ZC3H3: variants seen among roughly 807,000 people sequenced by gnomAD.
ZC3H3 encodes the protein zinc finger CCCH domain-containing protein 3.
In ZC3H3, 36 loss-of-function variants were observed where a neutral mutation model predicts 77.3. The ratio of observed to expected loss-of-function variants is 0.47; its 90% CI spans 0.36 to 0.61. The LOEUF is 0.61. Among genes scored for constraint, ZC3H3 ranks in the 20% least tolerant of loss-of-function variants. ZC3H3 has a pLI of 0.00. For missense variants in ZC3H3, 1,331 were observed against 1,312.2 expected (o/e 1.01, Z -0.22); for synonymous variants, 626 against 555.2 (o/e 1.13, Z -1.79).
chr8:143,531,120 C>T (rs1443294094), intron 3 of ZC3H3, among the ~76,000 whole-genome samples: 8 of 152,114 alleles, frequency 5.3e-5, no homozygotes, highest in South Asian at 2.1e-4. Context: ...CCACCATGCC[C>T]GGCTAATTCT....
intron 9 of ZC3H3, among the ~76,000 whole-genome samples, chr8:143,446,358 A>G (rs1214550224): frequency 6.6e-6 from 1 of 152,258 alleles, no homozygotes; most frequent in Non-Finnish European, 1.5e-5. Flanking sequence ...CACGTCACAA[A>G]GAAATGCAAA....
At chr8:143,468,752 C>T (rs1820483992) in intron 5 of ZC3H3, 93 bp from the exon 6 acceptor site, 1 of 1,444,932 alleles carries the variant, frequency 6.9e-7, no homozygotes, top group Admixed American at 2.7e-5. Flanking sequence ...CCTCAGGGGT[C>T]CCAACACTCA....
Position 143,539,088 on chromosome 8 carries a change from C to T in ZC3H3, c.279G>A (p.Arg93=). 1 of 1,612,930 alleles carries T rather than the reference C, an allele frequency of 6.2e-7. No individual in the cohort carries two copies. The highest frequency in any genetic ancestry group is 8.5e-7 in the Non-Finnish European group (1 of 1,179,994). Residue 93 remains arginine, a synonymous_variant, in exon 2 of 12, where the codon CGG becomes CGA. Transcript: ENST00000262577. The part of the protein sequence containing the change: ...PSDPPADHAV[R]PLHGARGGQP... ...GGCCCCCCCGGGCCCCGTGCAACGG[C>T]CGCACAGCATGGTCGGCAGGAGGGT... is the stretch of plus-strand genomic sequence containing the variant.
intron 3 of ZC3H3, among the ~76,000 whole-genome samples, chr8:143,519,829 G>A (rs1017554719): frequency 1.3e-5 from 2 of 152,198 alleles, no homozygotes; most frequent in African/African-American, 2.4e-5. Context: ...CTGCACTGCA[G>A]GGGACGCAGG....
chr8:143,541,304 AG>A (rs1295030508), intron 1 of ZC3H3, 71 bp downstream of exon 1: 1 of 1,588,152 alleles, frequency 6.3e-7, no homozygotes, highest in African/African-American at 1.4e-5. Flanking sequence ...CCCTTCGACA[AG>A]GGGGCAGGGG....
At chr8:143,476,983 G>A (rs1002932811) in intron 4 of ZC3H3, among the ~76,000 whole-genome samples, 2 of 152,210 alleles carry the variant, frequency 1.3e-5, no homozygotes, top group African/African-American at 4.8e-5. Flanking sequence ...GATGGGGCAG[G>A]TACAGGGGGA....
intron 3 of ZC3H3, among the ~76,000 whole-genome samples, chr8:143,522,981 G>A (rs765306258): frequency 1.3e-5 from 2 of 152,074 alleles, no homozygotes; most frequent in African/African-American, 2.4e-5. Flanking sequence ...GGGTGACTTG[G>A]AGCCATCCAG....
rs1819732396 is a variant in ZC3H3 at position 143,441,162 on chromosome 8, C to T, written c.2308-42G>A. On this transcript the variant is annotated intron_variant, in intron 9 of 11. Transcript: ENST00000262577. Reference sequence around the variant, plus strand: ...TGCAGGTGGGTGGGCCGGCTGGAGGCTGTGGCGCTGCACGGGGAAGGCAAG... The same window carrying T: ...TGCAGGTGGGTGGGCCGGCTGGAGGTTGTGGCGCTGCACGGGGAAGGCAAG... 2.2e-6 allele frequency: 3 copies of T among 1,367,094 alleles called. No homozygotes were observed. In the African/African-American group the frequency reaches 4.6e-5, roughly 21 times the overall value. 84.7% of individuals were successfully genotyped at this position (1,367,094 alleles called of 1,614,324 possible).
intron 4 of ZC3H3, among the ~76,000 whole-genome samples, chr8:143,497,015 C>T (rs921749459): frequency 6.6e-6 from 1 of 152,216 alleles, no homozygotes; most frequent in African/African-American, 2.4e-5. Context: ...ACCAGGGCTC[C>T]GCTTCTGTGC....
Position 143,491,164 on chromosome 8 carries a change from C to A in ZC3H3, c.1716-15579G>T, listed in dbSNP as rs150194461. On this transcript the variant is annotated intron_variant, in intron 4 of 11. Coordinates refer to ENST00000262577, the MANE Select transcript of ZC3H3 (RefSeq NM_015117.3). ...CAGATGGGGCAGGAGGGCCCAGGCA[C>A]AGGGGGCTCCGCCCTCCCCGGCCTG... 7.2e-5 allele frequency among the ~76,000 whole-genome samples: 11 copies of A among 152,302 alleles called. 1 individual carries two copies. The South Asian group carries it at 2.3e-3, about 32-fold the overall frequency.
At chr8:143,463,960 G>A (rs758165445) in intron 9 of ZC3H3, among the ~76,000 whole-genome samples, 14 of 152,242 alleles carry the variant, frequency 9.2e-5, no homozygotes, top group East Asian at 3.8e-4. Flanking sequence ...ACAAGCCATC[G>A]CTTTATGAAG....
At chr8:143,503,982 AG>A (rs146581356) in intron 4 of ZC3H3, among the ~76,000 whole-genome samples, 2,683 of 152,282 alleles carry the variant, frequency 0.018, 85 homozygotes, top group African/African-American at 0.061. Flanking sequence ...TTAAATTAGG[AG>A]GGGGAGAGAG....
chr8:143,438,484 A>C (rs1819641181), intron 11 of ZC3H3, among the ~76,000 whole-genome samples: 1 of 152,202 alleles, frequency 6.6e-6, no homozygotes, highest in Admixed American at 6.5e-5. Flanking sequence ...GCTGCCAGAC[A>C]CACGAGGCGG....
chr8:143,512,033 C>T (rs1821885183), intron 3 of ZC3H3, among the ~76,000 whole-genome samples: 1 of 152,268 alleles, frequency 6.6e-6, no homozygotes. Flanking sequence ...ACTTGCCTGA[C>T]AGACACCTTG....
chr8:143,541,206 CCCGGGCCCTGAG>C (rs1823002195), intron 1 of ZC3H3, among the ~76,000 whole-genome samples, 158 bp downstream of exon 1: 1 of 152,190 alleles, frequency 6.6e-6, no homozygotes, highest in African/African-American at 2.4e-5. Flanking sequence ...CGGGGACTGA[CCCGGGCCCTGAG>C]CCGGCCCACA....
At chr8:143,515,357 G>A (rs923139555) in intron 3 of ZC3H3, among the ~76,000 whole-genome samples, 4 of 152,364 alleles carry the variant, frequency 2.6e-5, no homozygotes, top group South Asian at 2.1e-4. Context: ...GGGGCGCAGC[G>A]AGGGGCTGCA....
intron 4 of ZC3H3, among the ~76,000 whole-genome samples, chr8:143,500,551 C>T (rs898403552): frequency 2.0e-5 from 3 of 152,220 alleles, no homozygotes; most frequent in Non-Finnish European, 4.4e-5. Flanking sequence ...CCACAGCCTG[C>T]GTCATTTATA....
At chr8:143,499,163 AGCCTGGGAGCAGAGGGAAGG>A (rs1396774277) in intron 4 of ZC3H3, among the ~76,000 whole-genome samples, 2 of 152,114 alleles carry the variant, frequency 1.3e-5, no homozygotes, top group Admixed American at 6.5e-5. Flanking sequence ...CTGTGAGGGA[AGCCTGGGAGCAGAGGGAAGG>A]GCCTGGGAGC....
intron 9 of ZC3H3, among the ~76,000 whole-genome samples, chr8:143,464,625 G>T (rs1475922484): frequency 6.6e-6 from 1 of 152,198 alleles, no homozygotes; most frequent in Admixed American, 6.5e-5. Flanking sequence ...CCAGAGCTTC[G>T]GGCCCGGTGT....
Sources: allele counts gnomAD v4.1 joint callset (sites outside exome capture counted in the v4.1 genomes callset), GRCh38; gene constraint gnomAD v4.1.1; transcripts MANE v1.5; gene names NCBI Gene and HGNC (gene_info 2026-07-23, HGNC 2026-07-21).